The following PDE4B variants were observed in gnomAD, a reference collection of about 807,000 sequenced individuals.
The protein encoded by PDE4B is 3',5'-cyclic-AMP phosphodiesterase 4B.
A neutral mutation model predicts 82.2 loss-of-function variants in PDE4B; 20 were observed. The ratio of observed to expected loss-of-function variants is 0.24; its 90% CI spans 0.17 to 0.35. The LOEUF (loss-of-function observed/expected upper bound fraction) is 0.35. Among genes scored for constraint, PDE4B ranks in the 10% least tolerant of loss-of-function variants. PDE4B has a pLI of 1.00. For synonymous variants in PDE4B, 320 were observed against 318.9 expected (o/e 1.00, Z -0.04); for missense variants, 655 against 907.2 (o/e 0.72, Z 3.57).
chr1:66,372,602 A>G lies in PDE4B; in HGVS notation c.2135A>G (p.Asp712Gly). The G allele has an allele frequency of 1.9e-6, 3 of 1,614,168 alleles. No homozygotes were observed. The highest frequency in any genetic ancestry group is 2.5e-6 in the Non-Finnish European group (3 of 1,179,986). Reference sequence around the variant, plus strand: ...AGCACAAAGACGCTTTGTGTGATTGATCCAGAAAACAGAGATTCCCTGGGA... The same window carrying G: ...AGCACAAAGACGCTTTGTGTGATTGGTCCAGAAAACAGAGATTCCCTGGGA... Reference protein sequence around the residue: ...FSSTKTLCVIDPENRDSLGET... With the variant: ...FSSTKTLCVIGPENRDSLGET... Residue 712 changes from aspartate to glycine, a missense_variant, in exon 17 of 17, where the codon GAT (aspartate) becomes GGT (glycine). Around this residue, in one of 3 missense-constraint regions of PDE4B, gnomAD observed 119 missense variants for 115.2 expected, o/e 1.03. Coordinates refer to ENST00000341517, the MANE Select transcript of PDE4B (RefSeq NM_002600.4).
At chr1:66,264,116 AT>A (rs1654871905) in intron 6 of PDE4B, among the ~76,000 whole-genome samples, 1 of 152,194 alleles carries the variant, frequency 6.6e-6, no homozygotes. Context: ...TTAAGCTATA[AT>A]TTTAAAGTGC....
intron 2 of PDE4B, among the ~76,000 whole-genome samples, chr1:65,917,353 G>A (rs1647174110): frequency 6.6e-6 from 1 of 152,190 alleles, no homozygotes; most frequent in African/African-American, 2.4e-5. Context: ...TGAAGAGCTA[G>A]TAGGAAATAC....
intron 3 of PDE4B, among the ~76,000 whole-genome samples, chr1:66,007,200 T>G (rs1369253729): frequency 6.6e-6 from 1 of 152,054 alleles, no homozygotes; most frequent in Non-Finnish European, 1.5e-5. Flanking sequence ...ATCCCAGCAC[T>G]TTGGGAGGTT....
chr1:66,073,345 A>G (rs1656258757), intron 3 of PDE4B, among the ~76,000 whole-genome samples: 1 of 152,124 alleles, frequency 6.6e-6, no homozygotes, highest in African/African-American at 2.4e-5. Flanking sequence ...CTTCAAACCT[A>G]TTTCATGTTA....
At chr1:65,971,454 ATC>A (rs1650133247) in intron 3 of PDE4B, among the ~76,000 whole-genome samples, 1 of 152,146 alleles carries the variant, frequency 6.6e-6, no homozygotes, top group Admixed American at 6.6e-5. Context: ...TTATTTAGGC[ATC>A]TCTATTAATA....
At chr1:66,360,954 T>C (rs937735443) in intron 9 of PDE4B, among the ~76,000 whole-genome samples, 2 of 152,314 alleles carry the variant, frequency 1.3e-5, no homozygotes, top group African/African-American at 4.8e-5. Context: ...TTGGTAGAAT[T>C]AATAGACTCC....
chr1:65,994,922 C>A (rs527777391), intron 3 of PDE4B, among the ~76,000 whole-genome samples: 132 of 152,008 alleles, frequency 8.7e-4, no homozygotes, highest in Non-Finnish European at 1.6e-3. Flanking sequence ...TTCCAAAGAA[C>A]CCCAATTTTA....
At chr1:66,134,827 T>C (rs964688102) in intron 3 of PDE4B, among the ~76,000 whole-genome samples, 2 of 152,248 alleles carry the variant, frequency 1.3e-5, no homozygotes, top group Non-Finnish European at 2.9e-5. Flanking sequence ...GTCTAGGCTT[T>C]AGAGCCGTGT....
chr1:66,230,376 C>T (rs1651853630), intron 3 of PDE4B, among the ~76,000 whole-genome samples: 1 of 151,788 alleles, frequency 6.6e-6, no homozygotes, highest in African/African-American at 2.4e-5. Context: ...GACTGCCAGG[C>T]AGAAGAGTTT....
chr1:66,342,742 A>G (rs552090998), intron 8 of PDE4B, among the ~76,000 whole-genome samples: 5 of 146,716 alleles, frequency 3.4e-5, no homozygotes, highest in African/African-American at 1.3e-4. Context: ...AAAAAAAAAA[A>G]ACAAAACAAA....
At chr1:65,852,443 A>G (rs1646342795) in intron 1 of PDE4B, among the ~76,000 whole-genome samples, 1 of 151,788 alleles carries the variant, frequency 6.6e-6, no homozygotes, top group Non-Finnish European at 1.5e-5. Context: ...ATTTCCATTT[A>G]TTTTTAACTC....
chr1:65,948,318 T>A (rs1195586213), intron 3 of PDE4B, among the ~76,000 whole-genome samples: 5 of 151,762 alleles, frequency 3.3e-5, no homozygotes, highest in Non-Finnish European at 7.4e-5. Flanking sequence ...ATATATATAT[T>A]ATATATATGA....
intron 7 of PDE4B, among the ~76,000 whole-genome samples, chr1:66,282,325 T>C (rs1190570439): frequency 6.6e-6 from 1 of 152,178 alleles, no homozygotes. Flanking sequence ...TTTTGGGTTT[T>C]GAGTAAGCCA....
chr1:66,253,358 G>T (rs570618155), intron 4 of PDE4B, among the ~76,000 whole-genome samples: 1 of 152,218 alleles, frequency 6.6e-6, no homozygotes, highest in African/African-American at 2.4e-5. Context: ...TCAGAGTGTG[G>T]CAGTGAAAGG....
chr1:65,810,363 CCTA>C (rs1645805129), intron 1 of PDE4B, among the ~76,000 whole-genome samples: 1 of 152,160 alleles, frequency 6.6e-6, no homozygotes, highest in African/African-American at 2.4e-5. Context: ...TCATTTAATT[CCTA>C]CTATTACCTT....
At chr1:65,795,750 C>G (rs1019794293) in intron 1 of PDE4B, among the ~76,000 whole-genome samples, 2 of 152,244 alleles carry the variant, frequency 1.3e-5, no homozygotes, top group African/African-American at 4.8e-5. Flanking sequence ...TGCATTGCAG[C>G]TCTACTTCTC....
intron 1 of PDE4B, among the ~76,000 whole-genome samples, chr1:65,796,687 T>TC: frequency 7.1e-6 from 1 of 141,808 alleles, no homozygotes; most frequent in Non-Finnish European, 1.5e-5. Context: ...TCTCACTCTG[T>TC]CACCCAGGCT....
At chr1:66,307,820 G>A (rs1304285974) in intron 7 of PDE4B, among the ~76,000 whole-genome samples, 1 of 152,020 alleles carries the variant, frequency 6.6e-6, no homozygotes, top group Admixed American at 6.6e-5. Flanking sequence ...TTAAATTACT[G>A]TTGATGGAAT....
At chr1:65,922,091 G>A (rs3009871) in intron 3 of PDE4B, among the ~76,000 whole-genome samples, 151,668 of 152,356 alleles carry the variant, frequency 1, 75,497 homozygotes, top group Middle Eastern at 1. Context: ...GATTTTATTT[G>A]TCATGGAGCA....
Sources: gnomAD v4.1 joint callset for allele counts (sites outside exome capture counted in the v4.1 genomes callset) on GRCh38, gnomAD v4.1.1 for gene constraint, gnomAD v4.1.1 regional missense constraint, MANE v1.5 for transcripts, NCBI Gene and HGNC (gene_info 2026-07-23, HGNC 2026-07-21) for gene names.